Variants in FAM83G observed in about 807,000 individuals in gnomAD.
FAM83G encodes protein FAM83G.
In FAM83G, 38 loss-of-function variants were observed where a neutral mutation model predicts 61.5. The observed-to-expected ratio is 0.62, with a 90% CI of 0.48 to 0.81. The LOEUF is 0.81. Ranked by LOEUF, FAM83G falls within the 30% of genes least tolerant of loss-of-function variation. The probability of loss-of-function intolerance (pLI) is 0.00; values close to 1 mark genes in which losing one functional copy is unlikely to be tolerated. For missense variants in FAM83G, 989 were observed against 1,133.6 expected (o/e 0.87, Z 1.83); for synonymous variants, 470 against 476.1 (o/e 0.99, Z 0.17).
At chr17:18,993,312 G>A (rs2152134365) in intron 2 of FAM83G, among the ~76,000 whole-genome samples, 1 of 152,222 alleles carries the variant, frequency 6.6e-6, no homozygotes, top group South Asian at 2.1e-4. Context: ...CCCAACTCCA[G>A]TGCAGCCCCA....
At chr17:18,990,719 T>C (rs763656541) in intron 2 of FAM83G, among the ~76,000 whole-genome samples, 1 of 152,174 alleles carries the variant, frequency 6.6e-6, no homozygotes, top group Non-Finnish European at 1.5e-5. Flanking sequence ...CCCCAGGCAT[T>C]GGGTTCAGTG....
intron 3 of FAM83G, among the ~76,000 whole-genome samples, 179 bp downstream of exon 3, chr17:18,988,068 G>C (rs190945017): frequency 6.6e-6 from 1 of 152,366 alleles, no homozygotes; most frequent in East Asian, 1.9e-4. Flanking sequence ...TGAGTATCCT[G>C]CCCCTCAGGG....
At chr17:18,994,621 C>T (rs12941718) in intron 2 of FAM83G, among the ~76,000 whole-genome samples, 12 of 152,134 alleles carry the variant, frequency 7.9e-5, no homozygotes, top group Non-Finnish European at 1.2e-4. Flanking sequence ...CACGCAGGAC[C>T]GGGAATAGTG....
Position 19,003,802 on chromosome 17 carries a change from G to A in FAM83G, c.240C>T (p.Asp80=), listed in dbSNP as rs1163880560. ...TIEVYDPGSE[D]PRGTGPSQGP... Reference sequence around the variant, plus strand: ...CCTGAGAGGGGCCCGTGCCCCGAGGGTCCTCAGAGCCCGGGTCGTACACCT... The same window carrying A: ...CCTGAGAGGGGCCCGTGCCCCGAGGATCCTCAGAGCCCGGGTCGTACACCT... The change falls in exon 2 of 6, where the codon GAC becomes GAT. Residue 80 remains aspartate, a synonymous_variant. Coordinates refer to ENST00000388995, the MANE Select transcript of FAM83G (RefSeq NM_001039999.3). This position sits in a 1 kb window ranked among gnomAD's most constrained non-coding sequence, Gnocchi z 4.5. The A allele has an allele frequency of 1.2e-6, 2 of 1,612,622 alleles. No homozygotes were observed. Among genetic ancestry groups the A allele is most frequent in the Non-Finnish European group, 1.7e-6 (2 of 1,179,780 alleles).
chr17:18,985,262 G>T (rs2043241316), intron 3 of FAM83G, among the ~76,000 whole-genome samples: 1 of 152,206 alleles, frequency 6.6e-6, no homozygotes. Flanking sequence ...ACAGATAAAT[G>T]ACCATGTCCC....
chr17:19,001,779 C>T (rs1597892289), intron 2 of FAM83G, among the ~76,000 whole-genome samples: 3 of 152,084 alleles, frequency 2.0e-5, no homozygotes, highest in East Asian at 1.9e-4. Flanking sequence ...CCTGGGAGCC[C>T]CTATCTGGCC....
At chr17:18,979,870 C>T (rs548225149) in intron 3 of FAM83G, among the ~76,000 whole-genome samples, 197 bp from the exon 4 acceptor site, 14 of 152,228 alleles carry the variant, frequency 9.2e-5, no homozygotes, top group African/African-American at 2.9e-4. Context: ...GCTGCTGAGC[C>T]GTGAAGCTAC....
intron 2 of FAM83G, among the ~76,000 whole-genome samples, chr17:18,995,884 G>A (rs1485952100): frequency 6.6e-6 from 1 of 151,156 alleles, no homozygotes. Flanking sequence ...CTCCAGCCTG[G>A]GCAACAGAGT....
rs1010568574 is a variant in FAM83G at position 18,996,375 on chromosome 17, T to C, written c.522+7145A>G. On this transcript the variant is annotated intron_variant, in intron 2 of 5. Transcript: ENST00000388995. The surrounding 1 kb of genome is among the most constrained non-coding windows in gnomAD (Gnocchi z 4.4). The stretch of plus-strand genomic sequence containing the variant: ...CACTCCCCCTCCCCTCCTCCTCCCC[T>C]CCAGGGGGCTGGCAGAATTAGTGAC... Among the ~76,000 whole-genome samples the C allele has an allele frequency of 6.6e-6, 1 of 151,808 alleles. No individual in the cohort carries two copies. The highest frequency in any genetic ancestry group is 2.4e-5 in the African/African-American group (1 of 41,276).
chr17:18,980,628 G>A (rs957840161), intron 3 of FAM83G, among the ~76,000 whole-genome samples: 1 of 152,196 alleles, frequency 6.6e-6, no homozygotes, highest in African/African-American at 2.4e-5. Context: ...CTGTGAGGGA[G>A]GAGCAGATGG....
At position 18,978,554 on chromosome 17, in the gene FAM83G, T is replaced by C; in HGVS notation, c.1112A>G (p.Lys371Arg). Residue 371 changes from lysine (K) to arginine (R), a missense_variant, in exon 5 of 6, where the codon AAG becomes AGG. This residue lies in a region of FAM83G where 574 missense variants were observed against 645.1 expected (regional missense o/e 0.89). Coordinates refer to ENST00000388995, the MANE Select transcript of FAM83G (RefSeq NM_001039999.3). ...TGGGCCTTTCAGCCCCAGGGGCTTC[T>C]TGGCCTCCTGCTTCTCAGAGGAGAT... is the stretch of plus-strand genomic sequence containing the variant. ...AKISSEKQEA[K>R]KPLGLKGPAL... 3.7e-6 allele frequency: 6 copies of C among 1,613,322 alleles called. No individual in the cohort carries two copies. Among genetic ancestry groups the C allele is most frequent in the Non-Finnish European group, 4.2e-6 (5 of 1,180,000 alleles).
intron 3 of FAM83G, among the ~76,000 whole-genome samples, chr17:18,982,508 C>T (rs1273062735): frequency 6.6e-6 from 1 of 152,200 alleles, no homozygotes; most frequent in Non-Finnish European, 1.5e-5. Context: ...AAGAGGGGTG[C>T]CCTGGAAAAG....
chr17:18,976,918 C>T (rs1341668454), intron 5 of FAM83G: 2 of 1,613,444 alleles, frequency 1.2e-6, no homozygotes, highest in Non-Finnish European at 1.7e-6. Context: ...TCCATCCTGG[C>T]CAGCTACCTC....
At chr17:18,981,408 C>T (rs2043129120) in intron 3 of FAM83G, among the ~76,000 whole-genome samples, 1 of 152,176 alleles carries the variant, frequency 6.6e-6, no homozygotes, top group Admixed American at 6.5e-5. Flanking sequence ...CTGAGCTTGG[C>T]CCTGGGGCCA....
intron 2 of FAM83G, among the ~76,000 whole-genome samples, chr17:18,992,536 G>C (rs1307151273): frequency 6.6e-6 from 1 of 152,208 alleles, no homozygotes; most frequent in Non-Finnish European, 1.5e-5. Flanking sequence ...GGTGGGACAG[G>C]GCTTTAGGTC....
intron 3 of FAM83G, among the ~76,000 whole-genome samples, chr17:18,982,765 G>A (rs2043171683): frequency 6.6e-6 from 1 of 152,240 alleles, no homozygotes; most frequent in African/African-American, 2.4e-5. Context: ...GGCAGAGGGG[G>A]CTGAGCCCAG....
chr17:18,977,010 T>G (rs1027724922), intron 5 of FAM83G: 1 of 1,609,624 alleles, frequency 6.2e-7, no homozygotes, highest in African/African-American at 1.3e-5. Flanking sequence ...CTCCGGGCAC[T>G]GAACCCAGGC....
In FAM83G at chr17:19,004,110, C is replaced by A; in HGVS notation, c.-69G>T. The A allele has an allele frequency of 3.4e-6, 5 of 1,477,318 alleles. No homozygotes were observed. Among genetic ancestry groups the A allele is most frequent in the Admixed American group, 2.3e-5 (1 of 43,852 alleles). 91.5% of individuals were successfully genotyped at this position (1,477,318 alleles called of 1,614,324 possible). ...GGTCCAGCTCCTAGCTCCGGCCCAG[C>A]TGGGGCACCGCGCGCTCGGGGGCCT... On this transcript the variant is annotated 5_prime_UTR_variant, in exon 2 of 6. Coordinates refer to ENST00000388995, the MANE Select transcript of FAM83G (RefSeq NM_001039999.3). The surrounding 1 kb of genome is among the most constrained non-coding windows in gnomAD (Gnocchi z 5.4).
intron 2 of FAM83G, among the ~76,000 whole-genome samples, chr17:18,999,560 G>A (rs2152139922): frequency 6.6e-6 from 1 of 152,324 alleles, no homozygotes; most frequent in African/African-American, 2.4e-5. Flanking sequence ...TTCCAGAGTT[G>A]TGGGGAGGAT....
Sources: allele counts gnomAD v4.1 joint callset (sites outside exome capture counted in the v4.1 genomes callset), GRCh38; gene constraint gnomAD v4.1.1; regional missense constraint gnomAD v4.1.1; non-coding constraint Gnocchi (gnomAD v3.1); transcripts MANE v1.5; gene names NCBI Gene and HGNC (gene_info 2026-07-23, HGNC 2026-07-21).